C8orf34: variants seen among roughly 807,000 people sequenced by gnomAD.
C8orf34 encodes the protein uncharacterized protein C8orf34.
C8orf34 carries 65 observed loss-of-function variants against 68.3 expected under a neutral mutation model. The observed-to-expected ratio is 0.95, with a 90% CI of 0.78 to 1.17. The LOEUF (loss-of-function observed/expected upper bound fraction) is 1.17. Ranked by LOEUF, C8orf34 falls within the 50% of genes most tolerant of loss-of-function variation. The pLI is 0.00. For missense variants in C8orf34, 664 were observed against 655.4 expected, an observed-to-expected ratio of 1.01 and a Z score of -0.14; for synonymous variants, 244 against 241.2, an observed-to-expected ratio of 1.01 and a Z score of -0.11.
At chr8:68,722,141 G>A (rs1821694761) in intron 10 of C8orf34, among the ~76,000 whole-genome samples, 1 of 152,018 alleles carries the variant, frequency 6.6e-6, no homozygotes, top group Admixed American at 6.6e-5. Flanking sequence ...AAAGATCAAA[G>A]TGTTGGCAGG....
intron 7 of C8orf34, among the ~76,000 whole-genome samples, chr8:68,594,941 T>A (rs909200384): frequency 6.6e-6 from 1 of 152,012 alleles, no homozygotes; most frequent in Admixed American, 6.6e-5. Context: ...AGATTTATTT[T>A]TACTTTATGG....
At chr8:68,705,688 A>G (rs916805121) in intron 8 of C8orf34, among the ~76,000 whole-genome samples, 1 of 152,172 alleles carries the variant, frequency 6.6e-6, no homozygotes, top group Non-Finnish European at 1.5e-5. Flanking sequence ...AAAAGGAAAC[A>G]GCTAGTTATT....
rs1046962488 is a variant in C8orf34, at chr8:68,783,777, G to A, written c.1456-3666G>A. Among the ~76,000 whole-genome samples, 14 of 152,074 alleles carry A rather than the reference G, an allele frequency of 9.2e-5. No individual in the cohort carries two copies. The South Asian group carries it at 1.9e-3, about 20-fold the overall frequency. ...GCCCCAACCACCTCGGGCACATGTC[G>A]TCAGGACTTACTGAGGCTGTGTCAC... On this transcript the variant is annotated intron_variant, in intron 11 of 13. Transcript: ENST00000518698.
chr8:68,640,595 C>T (rs895264159), intron 8 of C8orf34, 84 bp downstream of exon 8: 5 of 1,328,244 alleles, frequency 3.8e-6, no homozygotes, highest in Non-Finnish European at 5.2e-6. Context: ...TTGTACTCTT[C>T]TGTGTTAAGA....
intron 8 of C8orf34, among the ~76,000 whole-genome samples, chr8:68,652,623 G>A (rs990850064): frequency 5.3e-5 from 8 of 152,030 alleles, no homozygotes; most frequent in African/African-American, 1.9e-4. Flanking sequence ...TCATTCTTTT[G>A]CATGATATCC....
chr8:68,763,100 G>A (rs1823067563), intron 10 of C8orf34, among the ~76,000 whole-genome samples: 1 of 152,158 alleles, frequency 6.6e-6, no homozygotes, highest in Non-Finnish European at 1.5e-5. Flanking sequence ...TCTCCTTGGA[G>A]TAAGATGGAC....
intron 8 of C8orf34, among the ~76,000 whole-genome samples, chr8:68,642,501 C>T (rs1819041477): frequency 6.6e-6 from 1 of 152,144 alleles, no homozygotes; most frequent in South Asian, 2.1e-4. Flanking sequence ...TTTATGCATA[C>T]TAGGAAAACT....
At chr8:68,602,429 A>G (rs1197720882) in intron 7 of C8orf34, among the ~76,000 whole-genome samples, 2 of 152,186 alleles carry the variant, frequency 1.3e-5, no homozygotes, top group Admixed American at 1.3e-4. Flanking sequence ...ATCCATCTTC[A>G]CATGGTGGCA....
rs370180718 is a variant in C8orf34, at chr8:68,637,727, G to GT, written c.1106-2642dup. Among the ~76,000 whole-genome samples the GT allele has an allele frequency of 1.2e-4, 18 of 152,114 alleles. No homozygotes were observed. The East Asian group carries it at 1.6e-3, about 13-fold the overall frequency. On this transcript the variant is annotated intron_variant, in intron 7 of 13. Coordinates refer to ENST00000518698, the MANE Select transcript of C8orf34 (RefSeq NM_052958.4). The stretch of plus-strand genomic sequence containing the variant: ...CTAATTAGTAGATTATAATAATAGG[G>GT]TTTTTTTGTGAGAAAGGGACACTAG...
intron 5 of C8orf34, among the ~76,000 whole-genome samples, chr8:68,513,697 T>C (rs1169899368): frequency 6.6e-6 from 1 of 152,234 alleles, no homozygotes; most frequent in African/African-American, 2.4e-5. Flanking sequence ...GCTTAATTAC[T>C]GTCCAATGAA....
In C8orf34 at chr8:68,468,683, T is replaced by A. The variant is rs757206278; in HGVS notation, c.608-9T>A. ...ATGCTTATGAAATTACCATTTTTTT[T>A]AAACATAGTGCCAAGGTCAGTAGAG... is the stretch of plus-strand genomic sequence containing the variant. On this transcript the variant is annotated splice_polypyrimidine_tract_variant and intron_variant, in intron 3 of 13. Coordinates refer to ENST00000518698, the MANE Select transcript of C8orf34 (RefSeq NM_052958.4). 15 of 1,605,614 alleles carry A rather than the reference T, an allele frequency of 9.3e-6. No homozygotes were observed. The highest frequency in any genetic ancestry group is 5.2e-5 in the Admixed American group (3 of 58,050).
intron 4 of C8orf34, among the ~76,000 whole-genome samples, chr8:68,471,166 GT>G (rs1385374130): frequency 6.6e-6 from 1 of 152,072 alleles, no homozygotes; most frequent in Admixed American, 6.6e-5. Context: ...GTAGAAGGTT[GT>G]TTTTGGCTTC....
At chr8:68,734,112 G>T (rs918390952) in intron 10 of C8orf34, among the ~76,000 whole-genome samples, 1 of 151,958 alleles carries the variant, frequency 6.6e-6, no homozygotes, top group Non-Finnish European at 1.5e-5. Flanking sequence ...TCACCTAATC[G>T]AAGAAGAAAT....
chr8:68,466,679 G>T (rs1731149860), intron 3 of C8orf34, among the ~76,000 whole-genome samples: 1 of 147,470 alleles, frequency 6.8e-6, no homozygotes, highest in African/African-American at 2.5e-5. Flanking sequence ...TTGCGGCCAT[G>T]AAATATTTGC....
At chr8:68,802,369 G>A (rs565437943) in intron 12 of C8orf34, among the ~76,000 whole-genome samples, 1 of 152,200 alleles carries the variant, frequency 6.6e-6, no homozygotes, top group Admixed American at 6.5e-5. Context: ...CAAAATGCTG[G>A]GATTACAGGC....
chr8:68,546,483 C>T (rs987104994), intron 7 of C8orf34, among the ~76,000 whole-genome samples: 10 of 151,274 alleles, frequency 6.6e-5, no homozygotes, highest in African/African-American at 2.4e-4. Context: ...TTTCAAAATA[C>T]ATAAAGTAAA....
At chr8:68,525,806 A>T in intron 6 of C8orf34, 1 of 535,822 alleles carries the variant, frequency 1.9e-6, no homozygotes, top group Non-Finnish European at 3.6e-6. Context: ...AAACAGGATG[A>T]TAACTCTGGA....
At chr8:68,341,061 T>C (rs1447538569) in intron 1 of C8orf34, among the ~76,000 whole-genome samples, 4 of 152,216 alleles carry the variant, frequency 2.6e-5, no homozygotes, top group Non-Finnish European at 4.4e-5. Flanking sequence ...GAAAATACCA[T>C]AAATTAGATG....
intron 1 of C8orf34, among the ~76,000 whole-genome samples, chr8:68,387,225 G>C (rs1490948783): frequency 6.6e-6 from 1 of 152,126 alleles, no homozygotes; most frequent in African/African-American, 2.4e-5. Flanking sequence ...TGTTAGGCAA[G>C]TGAGTATCAC....
Sources: allele counts gnomAD v4.1 joint callset (sites outside exome capture counted in the v4.1 genomes callset), GRCh38; gene constraint gnomAD v4.1.1; transcripts MANE v1.5; gene names NCBI Gene and HGNC (gene_info 2026-07-23, HGNC 2026-07-21).